MMP26: variants seen among roughly 807,000 people sequenced by gnomAD.
MMP26 encodes the protein matrix metalloproteinase-26.
In MMP26, 33 loss-of-function variants were observed where a neutral mutation model predicts 31.0. The observed-to-expected ratio is 1.06, with a 90% confidence interval of 0.81 to 1.42. The LOEUF (loss-of-function observed/expected upper bound fraction) is 1.42, where lower values mean the gene tolerates loss of function less well. Ranked by LOEUF, MMP26 falls within the 40% of genes most tolerant of loss-of-function variation. The pLI is 0.00. For synonymous variants in MMP26, 122 were observed against 114.9 expected, an observed-to-expected ratio of 1.06 and a Z score of -0.40; for missense variants, 347 against 316.1, an observed-to-expected ratio of 1.10 and a Z score of -0.74.
chr11:4,783,109 C>T (rs2196124), intron 2 of MMP26, among the ~76,000 whole-genome samples: 22,225 of 152,150 alleles, frequency 0.15, 2,041 homozygotes, highest in African/African-American at 0.26. Flanking sequence ...AAGAGGGACA[C>T]GATCCTCCAG....
intron 2 of MMP26, among the ~76,000 whole-genome samples, chr11:4,781,063 T>C (rs1257134671): frequency 6.6e-6 from 1 of 152,006 alleles, no homozygotes; most frequent in Admixed American, 6.5e-5. Flanking sequence ...TATATAAAAT[T>C]CTAGAAAAGA....
chr11:4,769,394 G>A (rs200200884), intron 2 of MMP26: 1 of 1,613,808 alleles, frequency 6.2e-7, no homozygotes, highest in Non-Finnish European at 8.5e-7. Flanking sequence ...GTGAGAAAGG[G>A]CATTCATTCT....
chr11:4,941,574 G>A (rs906602203), intron 2 of MMP26, among the ~76,000 whole-genome samples: 1 of 152,122 alleles, frequency 6.6e-6, no homozygotes, highest in Admixed American at 6.5e-5. Flanking sequence ...TTTTGAATGG[G>A]ATGTAAATCA....
chr11:4,868,336 A>G (rs1850264900), intron 2 of MMP26, among the ~76,000 whole-genome samples: 1 of 152,180 alleles, frequency 6.6e-6, no homozygotes. Flanking sequence ...CTCAGCTCAA[A>G]ATCTCCTTAA....
At chr11:4,803,560 A>C (rs2133453956) in intron 2 of MMP26, 2 of 1,613,960 alleles carry the variant, frequency 1.2e-6, no homozygotes, top group Non-Finnish European at 1.7e-6. Flanking sequence ...GATGTGTACA[A>C]CTCGGGGCAC....
chr11:4,851,642 T>C (rs74054604), intron 2 of MMP26, among the ~76,000 whole-genome samples: 2,045 of 152,000 alleles, frequency 0.013, 51 homozygotes, highest in African/African-American at 0.046. Context: ...TGTGTGTCTG[T>C]ATATGTATGT....
chr11:4,750,932 A>T (rs974663644), intron 1 of MMP26, among the ~76,000 whole-genome samples: 1 of 152,012 alleles, frequency 6.6e-6, no homozygotes, highest in Non-Finnish European at 1.5e-5. Context: ...TAAAGAATAG[A>T]CAAGAAATAC....
intron 2 of MMP26, among the ~76,000 whole-genome samples, chr11:4,834,258 A>G (rs1849686497): frequency 6.6e-6 from 1 of 152,050 alleles, no homozygotes; most frequent in African/African-American, 2.4e-5. Context: ...GGCGCTCCAT[A>G]TTACTGTTCA....
At chr11:4,948,849 C>G (rs1846345087) in intron 2 of MMP26, among the ~76,000 whole-genome samples, 1 of 124,826 alleles carries the variant, frequency 8.0e-6, no homozygotes, top group Admixed American at 9.0e-5. Flanking sequence ...TTTGCATCCC[C>G]AATGAAAATA....
At chr11:4,817,408 G>T (rs571959664) in intron 2 of MMP26, among the ~76,000 whole-genome samples, 5 of 152,156 alleles carry the variant, frequency 3.3e-5, no homozygotes, top group African/African-American at 9.6e-5. Context: ...ATGTAATGGG[G>T]CCCCTTCTCT....
intron 2 of MMP26, chr11:4,803,614 A>G: frequency 9.9e-6 from 16 of 1,614,052 alleles, no homozygotes; most frequent in Non-Finnish European, 1.4e-5. Flanking sequence ...AAGGGCTGGG[A>G]TATAAAGAGC....
Position 4,951,970 on chromosome 11 carries a change from C to A in MMP26, c.-144-36098C>A, listed in dbSNP as rs546264282. ...GTTAGCGGTGATAACAACTTCTTTGCAGCACTTAAGTGTCCTGTAGCTCAC... is the reference window on the plus strand; with the variant it reads ...GTTAGCGGTGATAACAACTTCTTTGAAGCACTTAAGTGTCCTGTAGCTCAC... On this transcript the variant is annotated intron_variant, in intron 2 of 7. Transcript: ENST00000380390. 4.8e-5 allele frequency among the ~76,000 whole-genome samples: 6 copies of A among 124,380 alleles called. 1 individual carries two copies. Among genetic ancestry groups the A allele is most frequent in the Admixed American group, 2.7e-4 (3 of 11,126 alleles). The allele number at this position is 124,380 out of a possible 152,430, so 81.6% of individuals were successfully genotyped here. A position where few individuals can be genotyped will look rare whatever the true frequency, so the allele number is the denominator to read the frequency against.
chr11:4,943,498 C>T (rs1242577550), intron 2 of MMP26: 5 of 455,788 alleles, frequency 1.1e-5, no homozygotes, highest in East Asian at 1.4e-4. Context: ...TTTTTTAATG[C>T]TTGGCACCAC....
In MMP26 at chr11:4,907,581, T is replaced by C. The variant is rs991001555; in HGVS notation, c.-144-80487T>C. 13 of 1,613,988 alleles carry C rather than the reference T, an allele frequency of 8.1e-6. No individual in the cohort carries two copies. The African/African-American group carries it at 1.2e-4, about 15-fold the overall frequency. ...CTTGCCATGTTGGCTGTCTCTGACA[T>C]GGGCCTGTCCCTCTCCTCCCTTCCT... On this transcript the variant is annotated intron_variant, in intron 2 of 7. Coordinates refer to ENST00000380390, the MANE Select transcript of MMP26 (RefSeq NM_021801.5).
chr11:4,833,298 T>C (rs1849671386), intron 2 of MMP26, among the ~76,000 whole-genome samples: 1 of 152,172 alleles, frequency 6.6e-6, no homozygotes, highest in Admixed American at 6.5e-5. Flanking sequence ...ACAAATCATT[T>C]TGTTGTTCTT....
intron 2 of MMP26, among the ~76,000 whole-genome samples, chr11:4,824,927 C>T (rs961835791): frequency 3.3e-5 from 5 of 152,138 alleles, no homozygotes; most frequent in African/African-American, 1.2e-4. Flanking sequence ...TCAAGATCCA[C>T]TCTACTCATT....
intron 1 of MMP26, among the ~76,000 whole-genome samples, chr11:4,731,573 C>A (rs933613682): frequency 1.3e-5 from 2 of 152,194 alleles, no homozygotes; most frequent in Non-Finnish European, 2.9e-5. Context: ...TCCTTCCACA[C>A]TGATGTTTCT....
At chr11:4,908,428 A>G (rs1252698299) in intron 2 of MMP26, 1 of 829,446 alleles carries the variant, frequency 1.2e-6, no homozygotes, top group Non-Finnish European at 2.0e-6. Flanking sequence ...AAAGCTATGT[A>G]GTGCAGAATT....
At chr11:4,754,103 T>C (rs1300957416) in intron 1 of MMP26, among the ~76,000 whole-genome samples, 4 of 151,762 alleles carry the variant, frequency 2.6e-5, no homozygotes, top group Admixed American at 2.0e-4. Context: ...GAGATTTTTT[T>C]TTTTTTTTTT....
Sources: gnomAD v4.1 joint callset for allele counts (sites outside exome capture counted in the v4.1 genomes callset) on GRCh38, gnomAD v4.1.1 for gene constraint, MANE v1.5 for transcripts, NCBI Gene and HGNC (gene_info 2026-07-23, HGNC 2026-07-21) for gene names.